Variants in RBFOX3 observed in about 807,000 individuals in gnomAD.
The protein encoded by RBFOX3 is RNA binding fox-1 homolog 3.
A neutral mutation model predicts 48.7 loss-of-function variants in RBFOX3; 17 were observed. The observed-to-expected ratio is 0.35, with a 90% CI of 0.24 to 0.52. The LOEUF (loss-of-function observed/expected upper bound fraction) is 0.52. Among genes scored for constraint, RBFOX3 ranks in the 20% least tolerant of loss-of-function variants. The pLI is 0.94. For missense variants in RBFOX3, 382 were observed against 497.5 expected, an observed-to-expected ratio of 0.77 and a Z score of 2.21; for synonymous variants, 212 against 209.5, an observed-to-expected ratio of 1.01 and a Z score of -0.10.
intron 2 of RBFOX3, among the ~76,000 whole-genome samples, chr17:79,384,031 G>A (rs1023185333): frequency 6.6e-6 from 1 of 152,204 alleles, no homozygotes; most frequent in Non-Finnish European, 1.5e-5. Context: ...AGGTCAGACT[G>A]GACTCTGGAG....
rs1044169558 is a variant in RBFOX3 at position 79,481,448 on chromosome 17, G to A, written c.-175+1006C>T. On this transcript the variant is annotated intron_variant, in intron 2 of 14. Transcript: ENST00000693108. The surrounding 1 kb of genome is among the most constrained non-coding windows in gnomAD (Gnocchi z 5.4). ...AACTGCTGGGGTTTCCAAGGGATAGGAGTGTCTTCTGTTATTCATAAAAAG... is the reference window on the plus strand; with the variant it reads ...AACTGCTGGGGTTTCCAAGGGATAGAAGTGTCTTCTGTTATTCATAAAAAG... Among the ~76,000 whole-genome samples, 20 of 152,254 alleles carry A rather than the reference G, an allele frequency of 1.3e-4. No homozygotes were observed. Among genetic ancestry groups the A allele is most frequent in the African/African-American group, 4.8e-4 (20 of 41,524 alleles).
intron 2 of RBFOX3, among the ~76,000 whole-genome samples, chr17:79,442,280 A>G (rs2071166565): frequency 1.9e-4 from 5 of 27,012 alleles, no homozygotes; most frequent in Non-Finnish European, 3.0e-4. Context: ...AGAGAGAGAG[A>G]GGGAGAGAGG....
intron 2 of RBFOX3, among the ~76,000 whole-genome samples, chr17:79,320,118 G>A (rs2078289443): frequency 1.3e-5 from 2 of 152,204 alleles, no homozygotes; most frequent in African/African-American, 4.8e-5. Flanking sequence ...TTCTTTGGTG[G>A]CATGTGGGAG....
intron 4 of RBFOX3, among the ~76,000 whole-genome samples, chr17:79,129,821 T>C (rs532905643): frequency 6.6e-6 from 1 of 152,350 alleles, no homozygotes; most frequent in East Asian, 1.9e-4. Context: ...TGGGAAGAGA[T>C]ACTTACAGTC....
At chr17:79,178,733 C>T (rs1310885767) in intron 4 of RBFOX3, among the ~76,000 whole-genome samples, 2 of 152,220 alleles carry the variant, frequency 1.3e-5, no homozygotes, top group African/African-American at 4.8e-5. Context: ...ATGCGTGGCT[C>T]AAAGCAAGGA....
chr17:79,552,734 A>G (rs2143693564), intron 1 of RBFOX3, among the ~76,000 whole-genome samples: 1 of 152,238 alleles, frequency 6.6e-6, no homozygotes, highest in East Asian at 1.9e-4. Flanking sequence ...TTTTTTGCAC[A>G]TGCATTTTGC....
chr17:79,475,316 C>T (rs1301560039), intron 2 of RBFOX3, among the ~76,000 whole-genome samples: 9 of 152,298 alleles, frequency 5.9e-5, no homozygotes, highest in African/African-American at 2.2e-4. Flanking sequence ...AGCCTGCATA[C>T]CTTCTTATCA....
chr17:79,297,473 C>CT (rs5822287), intron 3 of RBFOX3, among the ~76,000 whole-genome samples: 81,753 of 152,066 alleles, frequency 0.54, 22,100 homozygotes, highest in Middle Eastern at 0.66. Flanking sequence ...GGCCATCCCC[C>CT]GGTACCACTG....
chr17:79,194,019 C>G (rs1343705689), intron 4 of RBFOX3, among the ~76,000 whole-genome samples: 1 of 152,172 alleles, frequency 6.6e-6, no homozygotes, highest in Non-Finnish European at 1.5e-5. Context: ...CAGCTCGAGC[C>G]TGACAGAAGG....
intron 1 of RBFOX3, among the ~76,000 whole-genome samples, chr17:79,594,637 G>A (rs898138942): frequency 5.3e-5 from 8 of 152,240 alleles, no homozygotes; most frequent in Admixed American, 3.3e-4. Flanking sequence ...ACTCTTCCTC[G>A]AGGGCAGTGT....
chr17:79,365,522 C>G (rs890171660), intron 2 of RBFOX3, among the ~76,000 whole-genome samples: 1 of 152,256 alleles, frequency 6.6e-6, no homozygotes, highest in Non-Finnish European at 1.5e-5. Flanking sequence ...CCCTGGCGCT[C>G]CCACGCGAAC....
upstream of RBFOX3, among the ~76,000 whole-genome samples, chr17:79,613,995 A>T (rs1050917943): frequency 5.8e-4 from 89 of 152,356 alleles, no homozygotes; most frequent in African/African-American, 2.1e-3. Context: ...GAATAACTTT[A>T]AAAAGGCATA....
chr17:79,106,712 C>T lies in RBFOX3; in HGVS notation c.299G>A (p.Arg100Gln). 1.3e-6 allele frequency: 2 copies of T among 1,498,370 alleles called. No homozygotes were observed. Among genetic ancestry groups the T allele is most frequent in the Non-Finnish European group, 1.8e-6 (2 of 1,128,072 alleles). 92.8% of individuals were successfully genotyped at this position (1,498,370 alleles called of 1,614,324 possible). A position where few individuals can be genotyped will look rare whatever the true frequency, so the allele number is the denominator to read the frequency against. ...SDPTEKQQPK[R>Q]LHVSNIPFRF... ...GAAGGGGATGTTGGAGACGTGTAGC[C>T]GCTTGGGCTGCTGCTTCTCTGTAGG... Residue 100 changes from arginine (R) to glutamine (Q), a missense_variant, in exon 6 of 15, where the codon CGG becomes CAG. Arg to Gln is a conservative substitution (Grantham distance 43). Transcript: ENST00000693108.
At chr17:79,662,797 C>T in the RBFOX3 span, among the ~76,000 whole-genome samples, 15 of 152,168 alleles carry the variant, frequency 9.9e-5, no homozygotes, top group African/African-American at 3.1e-4. Context: ...GGAAGAGAAA[C>T]GGCAGAACCG....
In RBFOX3 at chr17:79,536,348, A is replaced by G. The variant is rs2088745645; in HGVS notation, c.-319-53750T>C. 2.0e-5 allele frequency among the ~76,000 whole-genome samples: 3 copies of G among 152,252 alleles called. 1 individual carries two copies. The South Asian group carries it at 6.2e-4, about 31-fold the overall frequency. ...CGGCCTCCCAAGTTACTGGGAATAC[A>G]GATGTGAGACGTGGCACACAGCCCA... On this transcript the variant is annotated intron_variant, in intron 1 of 14. Coordinates refer to ENST00000693108, the MANE Select transcript of RBFOX3 (RefSeq NM_001350451.2).
the RBFOX3 span, among the ~76,000 whole-genome samples, chr17:79,619,033 A>G: frequency 1.3e-3 from 201 of 152,296 alleles, 1 homozygote; most frequent in African/African-American, 4.3e-3. Flanking sequence ...CGAAACCATA[A>G]TCATATTAAT....
intron 2 of RBFOX3, among the ~76,000 whole-genome samples, chr17:79,386,482 T>G (rs60864181): frequency 0.075 from 11,422 of 152,214 alleles, 496 homozygotes; most frequent in South Asian, 0.17. Flanking sequence ...AGCTAGTGAG[T>G]GGCAGGGCTG....
At chr17:79,653,648 G>A in the RBFOX3 span, among the ~76,000 whole-genome samples, 19 of 152,194 alleles carry the variant, frequency 1.2e-4, no homozygotes, top group East Asian at 2.3e-3. Context: ...GGTTAATTCC[G>A]GAAGAAACAG....
intron 3 of RBFOX3, among the ~76,000 whole-genome samples, chr17:79,257,268 G>C (rs12944439): frequency 0.24 from 35,977 of 152,250 alleles, 4,537 homozygotes; most frequent in Non-Finnish European, 0.29. Flanking sequence ...CGGGAGGTTT[G>C]TGCGGTTCCA....
Sources: gnomAD v4.1 joint callset for allele counts (sites outside exome capture counted in the v4.1 genomes callset) on GRCh38, gnomAD v4.1.1 for gene constraint, Gnocchi (gnomAD v3.1) non-coding constraint, MANE v1.5 for transcripts, NCBI Gene and HGNC (gene_info 2026-07-23, HGNC 2026-07-21) for gene names.